MARCHF1: variants seen among roughly 807,000 people sequenced by gnomAD.
MARCHF1 encodes membrane associated ring-CH-type finger 1.
Under a neutral mutation model 54.2 loss-of-function variants are expected in MARCHF1, and 40 were observed. That is an observed-to-expected ratio of 0.74 (90% CI 0.57 to 0.96). The LOEUF (loss-of-function observed/expected upper bound fraction) is 0.96, where lower values mean the gene tolerates loss of function less well. Ranked by LOEUF, MARCHF1 falls within the 40% of genes least tolerant of loss-of-function variation. MARCHF1 has a pLI of 0.00. For missense variants in MARCHF1, 586 were observed against 656.5 expected, an observed-to-expected ratio of 0.89 and a Z score of 1.17; for synonymous variants, 236 against 236.3, an observed-to-expected ratio of 1.00 and a Z score of 0.01.
intron 4 of MARCHF1, among the ~76,000 whole-genome samples, chr4:163,818,881 G>A (rs1455610175): frequency 2.0e-5 from 3 of 151,996 alleles, no homozygotes; most frequent in African/African-American, 4.8e-5. Context: ...TGAAGCACAC[G>A]TCATTACATT....
At chr4:164,293,003 C>T (rs890931933) in intron 1 of MARCHF1, among the ~76,000 whole-genome samples, 1 of 152,100 alleles carries the variant, frequency 6.6e-6, no homozygotes, top group East Asian at 1.9e-4. Context: ...TCTTTAACAA[C>T]ACCCATGAAA....
At chr4:164,054,564 G>A (rs1754445990) in intron 2 of MARCHF1, among the ~76,000 whole-genome samples, 1 of 152,054 alleles carries the variant, frequency 6.6e-6, no homozygotes. Flanking sequence ...AGAAAATGTG[G>A]CACATATACA....
At chr4:163,957,163 T>C (rs1252616251) in intron 3 of MARCHF1, among the ~76,000 whole-genome samples, 1 of 104,664 alleles carries the variant, frequency 9.6e-6, no homozygotes, top group Admixed American at 1.2e-4. Flanking sequence ...TAATTTTTTC[T>C]TTGAAAATAT....
intron 4 of MARCHF1, among the ~76,000 whole-genome samples, chr4:163,796,376 G>A (rs1473922561): frequency 1.3e-5 from 2 of 151,878 alleles, no homozygotes; most frequent in African/African-American, 2.4e-5. Context: ...ACAGGTGTAT[G>A]CCACCATGCT....
chr4:164,141,744 G>A (rs548636276), intron 1 of MARCHF1, among the ~76,000 whole-genome samples: 2 of 152,330 alleles, frequency 1.3e-5, no homozygotes, highest in African/African-American at 4.8e-5. Context: ...TAACCCTGGT[G>A]CCCCAAATAA....
At chr4:163,544,456 CCT>C (rs1738826054) in intron 9 of MARCHF1, among the ~76,000 whole-genome samples, 1 of 152,136 alleles carries the variant, frequency 6.6e-6, no homozygotes. Context: ...GTCACCATCC[CCT>C]CTTTGACGCA....
intron 1 of MARCHF1, among the ~76,000 whole-genome samples, chr4:164,143,741 A>T (rs1267751212): frequency 3.9e-5 from 6 of 152,188 alleles, no homozygotes; most frequent in Non-Finnish European, 8.8e-5. Context: ...AAGACCATAG[A>T]GACTAGGAAG....
intron 5 of MARCHF1, among the ~76,000 whole-genome samples, chr4:163,646,765 T>C (rs1742775509): frequency 6.6e-6 from 1 of 151,944 alleles, no homozygotes; most frequent in Non-Finnish European, 1.5e-5. Context: ...CTATAGCAGA[T>C]ACACAAAAGA....
chr4:163,852,628 A>G (rs1260138196), intron 4 of MARCHF1, among the ~76,000 whole-genome samples: 2 of 152,206 alleles, frequency 1.3e-5, no homozygotes, highest in Admixed American at 6.5e-5. Context: ...AGTTTTGCAC[A>G]TATCTCTCCA....
At chr4:163,637,334 T>C (rs1189578834) in intron 5 of MARCHF1, among the ~76,000 whole-genome samples, 6 of 152,108 alleles carry the variant, frequency 3.9e-5, no homozygotes, top group South Asian at 4.2e-4. Flanking sequence ...AGAAAATTTT[T>C]GCAACCTACT....
At chr4:164,289,995 T>G (rs530438030) in intron 1 of MARCHF1, among the ~76,000 whole-genome samples, 1 of 151,972 alleles carries the variant, frequency 6.6e-6, no homozygotes, top group East Asian at 1.9e-4. Context: ...CTTCACCTCC[T>G]TCTCTGAAAT....
At chr4:164,120,394 T>A (rs1317517021) in intron 1 of MARCHF1, among the ~76,000 whole-genome samples, 1 of 152,098 alleles carries the variant, frequency 6.6e-6, no homozygotes, top group East Asian at 1.9e-4. Context: ...GCTGGCAACT[T>A]CAACAACCCA....
intron 4 of MARCHF1, among the ~76,000 whole-genome samples, chr4:163,786,220 G>A (rs752571695): frequency 6.6e-6 from 1 of 151,918 alleles, no homozygotes; most frequent in Non-Finnish European, 1.5e-5. Flanking sequence ...GCACCAAGAG[G>A]AAATTAATGC....
chr4:163,726,483 A>T (rs1022206773), intron 4 of MARCHF1, among the ~76,000 whole-genome samples: 6 of 152,070 alleles, frequency 3.9e-5, no homozygotes, highest in African/African-American at 1.2e-4. Flanking sequence ...CATTGTCTGG[A>T]TATTCCACAC....
chr4:163,619,688 C>T (rs1438256548), intron 5 of MARCHF1, among the ~76,000 whole-genome samples: 5 of 151,298 alleles, frequency 3.3e-5, no homozygotes, highest in South Asian at 2.1e-4. Context: ...AAAAAAATGG[C>T]GTTGACTGGT....
chr4:164,029,908 T>G (rs1443949049), intron 2 of MARCHF1, among the ~76,000 whole-genome samples: 1 of 152,232 alleles, frequency 6.6e-6, no homozygotes, highest in Non-Finnish European at 1.5e-5. Context: ...GATTTTAGCC[T>G]TTTAAACTTT....
At chr4:164,293,838 T>C (rs138518495) in intron 1 of MARCHF1, among the ~76,000 whole-genome samples, 24 of 152,336 alleles carry the variant, frequency 1.6e-4, no homozygotes, top group African/African-American at 2.4e-4. Context: ...GTAGTTAATA[T>C]TGAGTGTCAA....
chr4:164,277,506 A>T (rs115157774), intron 1 of MARCHF1, among the ~76,000 whole-genome samples: 3,185 of 152,282 alleles, frequency 0.021, 49 homozygotes, highest in Non-Finnish European at 0.031. Context: ...AGTTTTTTAT[A>T]TAGACTTCGT....
chr4:164,242,353 C>A (rs1732795925), intron 1 of MARCHF1, among the ~76,000 whole-genome samples: 1 of 146,998 alleles, frequency 6.8e-6, no homozygotes, highest in Admixed American at 6.8e-5. Context: ...GGGAGGCAAC[C>A]CCCAGCAGGG....
Sources: allele counts gnomAD v4.1 joint callset (sites outside exome capture counted in the v4.1 genomes callset), GRCh38; gene constraint gnomAD v4.1.1; transcripts MANE v1.5; gene names NCBI Gene and HGNC (gene_info 2026-07-23, HGNC 2026-07-21).